XCR1: variants seen among roughly 807,000 people sequenced by gnomAD.
XCR1 encodes the protein chemokine XC receptor 1.
For missense variants in XCR1, 356 were observed against 424.2 expected (o/e 0.84, Z 1.41); for synonymous variants, 187 against 188.5 (o/e 0.99, Z 0.06).
intron 5 of XCR1, among the ~76,000 whole-genome samples, chr3:46,041,964 C>T (rs1192090318): frequency 6.6e-6 from 1 of 152,214 alleles, no homozygotes; most frequent in Non-Finnish European, 1.5e-5. Context: ...AGCTTCAGCA[C>T]CCAATTAACA....
intron 1 of XCR1, among the ~76,000 whole-genome samples, chr3:46,022,770 C>T (rs1708182573): frequency 6.6e-6 from 1 of 152,160 alleles, no homozygotes; most frequent in South Asian, 2.1e-4. Flanking sequence ...CCAGAGTCTA[C>T]ACAACATAAC....
chr3:46,037,132 A>C (rs573591027), intron 5 of XCR1, among the ~76,000 whole-genome samples: 1 of 152,244 alleles, frequency 6.6e-6, no homozygotes, highest in South Asian at 2.1e-4. Flanking sequence ...TTCTTGCCTC[A>C]TAGTATTTCA....
intron 2 of XCR1, among the ~76,000 whole-genome samples, chr3:46,075,182 A>G (rs1698235674): frequency 6.6e-6 from 1 of 152,050 alleles, no homozygotes; most frequent in Non-Finnish European, 1.5e-5. Flanking sequence ...AGAGAGTTAA[A>G]AAAACCCAGA....
intron 4 of XCR1, among the ~76,000 whole-genome samples, chr3:46,060,838 C>A (rs1398795409): frequency 6.6e-6 from 1 of 152,222 alleles, no homozygotes; most frequent in Non-Finnish European, 1.5e-5. Context: ...TGCCATCTGG[C>A]TGCCACCATA....
intron 5 of XCR1, among the ~76,000 whole-genome samples, chr3:46,053,797 C>A (rs1697798045): frequency 6.6e-6 from 1 of 151,996 alleles, no homozygotes; most frequent in South Asian, 2.1e-4. Flanking sequence ...AAACTTTAAG[C>A]AACTGCACAT....
chr3:46,022,138 A>C (rs1202447909), intron 1 of XCR1, 160 bp from the exon 2 acceptor site: 1 of 599,652 alleles, frequency 1.7e-6, no homozygotes, highest in Non-Finnish European at 2.8e-6. Context: ...CTGTCTCTAC[A>C]AAAAATTTAA....
In XCR1 at chr3:46,019,602, G is replaced by C. The variant is rs1708103100; in HGVS notation, c.*1344C>G. The C allele has an allele frequency of 6.6e-6, 1 of 152,294 alleles. No individual in the cohort carries two copies. Among genetic ancestry groups the C allele is most frequent in the South Asian group, 2.1e-4 (1 of 4,834 alleles). The allele number at this position is 152,294 out of a possible 1,614,324, so 9.4% of individuals were successfully genotyped here. A position where few individuals can be genotyped will look rare whatever the true frequency, so the allele number is the denominator to read the frequency against. On this transcript the variant is annotated 3_prime_UTR_variant, in exon 2 of 2. Transcript: ENST00000309285. Reference sequence around the variant, plus strand: ...GACAAATGCCTAGAGGTAGGGTACTGGGGAGATATGTGTCTGAAAGAAGGC... The same window carrying C: ...GACAAATGCCTAGAGGTAGGGTACTCGGGAGATATGTGTCTGAAAGAAGGC...
chr3:46,053,579 A>G (rs1284143253), intron 5 of XCR1, among the ~76,000 whole-genome samples: 1 of 152,128 alleles, frequency 6.6e-6, no homozygotes. Flanking sequence ...TAATGGCAGA[A>G]GTACAGTACG....
At chr3:46,054,646 G>T (rs1243128380) in intron 4 of XCR1, among the ~76,000 whole-genome samples, 1 of 152,074 alleles carries the variant, frequency 6.6e-6, no homozygotes, top group Non-Finnish European at 1.5e-5. Flanking sequence ...CTGAGATGAC[G>T]AGTATTACCA....
chr3:46,064,911 G>A lies in XCR1; in HGVS notation c.-183+1988C>T, dbSNP rs568602798. 5.3e-5 allele frequency among the ~76,000 whole-genome samples: 8 copies of A among 152,160 alleles called. No individual in the cohort carries two copies. The East Asian group carries it at 1.4e-3, about 26-fold the overall frequency. On this transcript the variant is annotated intron_variant, in intron 4 of 5. Coordinates refer to the XCR1 transcript ENST00000683768. ...GTTCAAGAACAGCCTGACCAACATG[G>A]AGAAACCCCGTCTCTACTAAAAATA...
At position 46,020,797 on chromosome 3, in the gene XCR1, T is replaced by G. The variant is rs1020555534; in HGVS notation, c.*149A>C. 2 of 1,109,134 alleles carry G rather than the reference T, an allele frequency of 1.8e-6. No individual in the cohort carries two copies. The highest frequency in any genetic ancestry group is 1.2e-6 in the Non-Finnish European group (1 of 805,312). 68.7% of individuals were successfully genotyped at this position (1,109,134 alleles called of 1,614,324 possible). A position where few individuals can be genotyped will look rare whatever the true frequency, so the allele number is the denominator to read the frequency against. ...ATGAGAGGCTGGCGGGACCCACTGG[T>G]GTAATGAATGACCTTCACTGCACGC... is the stretch of plus-strand genomic sequence containing the variant. On this transcript the variant is annotated 3_prime_UTR_variant, in exon 2 of 2. Coordinates refer to ENST00000309285, the MANE Select transcript of XCR1 (RefSeq NM_001024644.2).
intron 4 of XCR1, among the ~76,000 whole-genome samples, chr3:46,057,999 A>C (rs560938515): frequency 1.3e-5 from 2 of 151,932 alleles, no homozygotes; most frequent in Non-Finnish European, 2.9e-5. Context: ...CTATCTTGCT[A>C]CCTATCTCCT....
intron 5 of XCR1, among the ~76,000 whole-genome samples, chr3:46,035,985 C>T (rs1433398109): frequency 3.9e-5 from 6 of 152,274 alleles, no homozygotes; most frequent in Non-Finnish European, 8.8e-5. Context: ...AGGACCCCGG[C>T]TGTTTCAATT....
chr3:46,021,993 A>G lies in XCR1; in HGVS notation c.-31-15T>C, dbSNP rs946628485. The G allele has an allele frequency of 3.2e-6, 5 of 1,562,504 alleles. No individual in the cohort carries two copies. Among genetic ancestry groups the G allele is most frequent in the Non-Finnish European group, 4.3e-6 (5 of 1,155,802 alleles). On this transcript the variant is annotated splice_polypyrimidine_tract_variant and intron_variant, in intron 1 of 1. Coordinates refer to ENST00000309285, the MANE Select transcript of XCR1 (RefSeq NM_001024644.2). The surrounding 1 kb of genome is among the most constrained non-coding windows in gnomAD (Gnocchi z 4.7). ...GTTTAGAGCATCTGAAATGATAGAG[A>G]CATGGAGTTTAAAGCCATGTGGTGG...
At chr3:46,024,165 G>A (rs765622801) in intron 1 of XCR1, 2 of 583,020 alleles carry the variant, frequency 3.4e-6, no homozygotes, top group Non-Finnish European at 6.2e-6. Flanking sequence ...AAAATGGAAG[G>A]CCACAGAAGA....
At chr3:46,046,237 G>A (rs1044901193) in intron 5 of XCR1, among the ~76,000 whole-genome samples, 5 of 152,206 alleles carry the variant, frequency 3.3e-5, no homozygotes, top group African/African-American at 1.2e-4. Context: ...ATATTTGGAA[G>A]AAGGGGTCAG....
intron 5 of XCR1, among the ~76,000 whole-genome samples, chr3:46,044,510 G>A (rs958172993): frequency 6.6e-6 from 1 of 151,786 alleles, no homozygotes; most frequent in African/African-American, 2.4e-5. Flanking sequence ...CTCCCATTCT[G>A]TACATTGTCA....
chr3:46,020,927 C>G lies in XCR1; in HGVS notation c.*19G>C, dbSNP rs747529184. On this transcript the variant is annotated 3_prime_UTR_variant, in exon 2 of 2. Transcript: ENST00000309285. The stretch of plus-strand genomic sequence containing the variant: ...AGTCCCTGTCCACCTGCACCTGCGC[C>G]TGCACCGCCACAGGCCCCTCAGTAG... 56 of 1,603,056 alleles carry G rather than the reference C, an allele frequency of 3.5e-5. No homozygotes were observed. The highest frequency in any genetic ancestry group is 4.7e-5 in the Non-Finnish European group (55 of 1,174,506).
chr3:46,041,540 C>T (rs1697536605), intron 5 of XCR1, among the ~76,000 whole-genome samples: 1 of 152,174 alleles, frequency 6.6e-6, no homozygotes, highest in Non-Finnish European at 1.5e-5. Context: ...CACGAAGCCC[C>T]TCCTTAGCAT....
Sources: gnomAD v4.1 joint callset for allele counts (sites outside exome capture counted in the v4.1 genomes callset) on GRCh38, gnomAD v4.1.1 for gene constraint, Gnocchi (gnomAD v3.1) non-coding constraint, MANE v1.5 for transcripts, NCBI Gene and HGNC (gene_info 2026-07-23, HGNC 2026-07-21) for gene names.